ERBB4: variants seen among roughly 807,000 people sequenced by gnomAD.
ERBB4 encodes erb-b2 receptor tyrosine kinase 4, also known as receptor tyrosine-protein kinase erbB-4.
In ERBB4, 42 loss-of-function variants were observed where a neutral mutation model predicts 158.0. The ratio of observed to expected loss-of-function variants is 0.27; its 90% CI spans 0.21 to 0.34. ERBB4 has a LOEUF of 0.34. Among genes scored for constraint, ERBB4 ranks in the 10% least tolerant of loss-of-function variants. The pLI, the probability that ERBB4 is intolerant of heterozygous loss-of-function variation, is 1.00. For missense variants in ERBB4, 1,333 were observed against 1,624.1 expected (o/e 0.82, Z 3.08); for synonymous variants, 583 against 558.7 (o/e 1.04, Z -0.61).
chr2:211,971,748 T>C (rs957606366), intron 2 of ERBB4, among the ~76,000 whole-genome samples: 2 of 152,150 alleles, frequency 1.3e-5, no homozygotes, highest in Non-Finnish European at 2.9e-5. Context: ...GTTAAATATA[T>C]GCAAGTAAAT....
intron 2 of ERBB4, among the ~76,000 whole-genome samples, chr2:212,079,899 A>G (rs957500066): frequency 8.5e-5 from 13 of 152,106 alleles, no homozygotes; most frequent in Non-Finnish European, 1.6e-4. Flanking sequence ...ACAACCCAAT[A>G]TATATTAATC....
At chr2:211,892,207 C>G (rs1229979990) in intron 3 of ERBB4, among the ~76,000 whole-genome samples, 5 of 107,080 alleles carry the variant, frequency 4.7e-5, no homozygotes, top group Admixed American at 3.9e-4. Context: ...AGCTTATCCA[C>G]CATGATCAAG....
intron 3 of ERBB4, among the ~76,000 whole-genome samples, chr2:211,854,096 G>T (rs1442629709): frequency 1.3e-5 from 2 of 152,076 alleles, no homozygotes; most frequent in Non-Finnish European, 2.9e-5. Context: ...ATTGTTGCTT[G>T]AGAATATAAA....
intron 19 of ERBB4, among the ~76,000 whole-genome samples, chr2:211,574,488 T>C (rs945566235): frequency 6.6e-6 from 1 of 152,206 alleles, no homozygotes; most frequent in Non-Finnish European, 1.5e-5. Context: ...TGAATTCTTG[T>C]AGTTTTAGGC....
Position 212,526,116 on chromosome 2 carries a change from G to A in ERBB4, c.82+12333C>T, listed in dbSNP as rs892618734. Among the ~76,000 whole-genome samples, 12 of 151,948 alleles carry A rather than the reference G, an allele frequency of 7.9e-5. No homozygotes were observed. In the Middle Eastern group the frequency reaches 0.017, roughly 215 times the overall value. ...ACTTATAGAAATTTATTTTTATATA[G>A]CCTATAAATATTGAGTGAAAGCTGT... On this transcript the variant is annotated intron_variant, in intron 1 of 27. Coordinates refer to ENST00000342788, the MANE Select transcript of ERBB4 (RefSeq NM_005235.3).
chr2:211,969,640 A>G (rs927830646), intron 2 of ERBB4, among the ~76,000 whole-genome samples: 19 of 152,032 alleles, frequency 1.2e-4, no homozygotes, highest in Non-Finnish European at 2.7e-4. Flanking sequence ...TGCACAGTTT[A>G]AGGGCATTGC....
At chr2:212,078,304 C>A (rs1278412059) in intron 2 of ERBB4, among the ~76,000 whole-genome samples, 4 of 151,640 alleles carry the variant, frequency 2.6e-5, no homozygotes, top group Non-Finnish European at 5.9e-5. Flanking sequence ...CTTTTAGTTT[C>A]TTTTAGTTTC....
intron 4 of ERBB4, chr2:211,777,723 G>T (rs2075919006): frequency 6.6e-6 from 1 of 151,926 alleles, no homozygotes; most frequent in African/African-American, 2.4e-5. Flanking sequence ...TTCCATCTTG[G>T]TAACACTATT....
chr2:211,984,294 T>C (rs953045522), intron 2 of ERBB4, among the ~76,000 whole-genome samples: 21 of 152,264 alleles, frequency 1.4e-4, no homozygotes, highest in African/African-American at 5.1e-4. Context: ...AATATTATCA[T>C]ACCAGGAATT....
At chr2:212,286,849 G>A (rs972905268) in intron 1 of ERBB4, among the ~76,000 whole-genome samples, 7 of 136,632 alleles carry the variant, frequency 5.1e-5, no homozygotes, top group African/African-American at 5.5e-5. Context: ...GAACTCAAGC[G>A]ATCCGCCAGC....
intron 2 of ERBB4, among the ~76,000 whole-genome samples, chr2:212,028,099 A>T (rs899588880): frequency 6.6e-6 from 1 of 152,074 alleles, no homozygotes; most frequent in African/African-American, 2.4e-5. Flanking sequence ...GTGAATGCCA[A>T]CACTTCCTTC....
Position 211,448,108 on chromosome 2 carries a change from G to A in ERBB4, c.2488-17008C>T, listed in dbSNP as rs555640553. Among the ~76,000 whole-genome samples, 7 of 152,112 alleles carry A rather than the reference G, an allele frequency of 4.6e-5. No homozygotes were observed. In the South Asian group the frequency reaches 6.2e-4, roughly 14 times the overall value. On this transcript the variant is annotated intron_variant, in intron 20 of 27. Coordinates refer to ENST00000342788, the MANE Select transcript of ERBB4 (RefSeq NM_005235.3). ...CTGCTTCAGCCTCCCCAGTAGCTGCGATTACACATGCGTGCCACCACACCT... is the reference window on the plus strand; with the variant it reads ...CTGCTTCAGCCTCCCCAGTAGCTGCAATTACACATGCGTGCCACCACACCT...
chr2:211,644,193 T>C (rs1489271968), intron 16 of ERBB4, among the ~76,000 whole-genome samples: 1 of 152,018 alleles, frequency 6.6e-6, no homozygotes, highest in Non-Finnish European at 1.5e-5. Context: ...TTAAATTATG[T>C]TTTTAACTTA....
chr2:212,496,224 T>C (rs571405852), intron 1 of ERBB4, among the ~76,000 whole-genome samples: 1 of 150,666 alleles, frequency 6.6e-6, no homozygotes, highest in Non-Finnish European at 1.5e-5. Context: ...AAAACCAGAA[T>C]AAAGAATCAG....
chr2:212,391,661 TG>T (rs2090862882), intron 1 of ERBB4, among the ~76,000 whole-genome samples: 13 of 139,606 alleles, frequency 9.3e-5, no homozygotes, highest in South Asian at 4.4e-4. Flanking sequence ...TATTATATTA[TG>T]TATTATATTT....
At chr2:211,658,874 C>G (rs1362931948) in intron 15 of ERBB4, among the ~76,000 whole-genome samples, 1 of 152,108 alleles carries the variant, frequency 6.6e-6, no homozygotes, top group Non-Finnish European at 1.5e-5. Flanking sequence ...TTATTTCTTT[C>G]ATCTTCCAAT....
At chr2:212,342,553 T>C (rs2088774149) in intron 1 of ERBB4, among the ~76,000 whole-genome samples, 1 of 152,160 alleles carries the variant, frequency 6.6e-6, no homozygotes, top group African/African-American at 2.4e-5. Flanking sequence ...CATAGCAGTA[T>C]GAAAATGGAC....
intron 18 of ERBB4, 65 bp downstream of exon 18, chr2:211,623,857 T>G (rs2069730011): frequency 2.0e-6 from 3 of 1,495,672 alleles, no homozygotes; most frequent in East Asian, 2.3e-5. Context: ...ATAACTCCAT[T>G]GGCTATTATT....
At position 211,439,667 on chromosome 2, in the gene ERBB4, T is replaced by C. The variant is rs2063932031; in HGVS notation, c.2488-8567A>G. Among the ~76,000 whole-genome samples, 4 of 152,338 alleles carry C rather than the reference T, an allele frequency of 2.6e-5. 1 individual carries two copies. Among genetic ancestry groups the C allele is most frequent in the Non-Finnish European group, 1.5e-5 (1 of 68,016 alleles). The stretch of plus-strand genomic sequence containing the variant: ...GTTATTTTACCTCTCTGTACATCAA[T>C]TTCCTTGTCTTAAAATAGGAGTACT... On this transcript the variant is annotated intron_variant, in intron 20 of 27. Transcript: ENST00000342788.
Sources: gnomAD v4.1 joint callset for allele counts (sites outside exome capture counted in the v4.1 genomes callset) on GRCh38, gnomAD v4.1.1 for gene constraint, MANE v1.5 for transcripts, NCBI Gene and HGNC (gene_info 2026-07-23, HGNC 2026-07-21) for gene names.